The following CSMD1 variants were observed in gnomAD, a reference collection of about 807,000 sequenced individuals.
The protein encoded by CSMD1 is CUB and Sushi multiple domains 1, also known as CUB and sushi domain-containing protein 1.
Under a neutral mutation model 417.5 loss-of-function variants are expected in CSMD1, and 213 were observed. The ratio of observed to expected loss-of-function variants is 0.51; its 90% CI spans 0.46 to 0.57. The LOEUF is 0.57. Among genes scored for constraint, CSMD1 ranks in the 20% least tolerant of loss-of-function variants. CSMD1 has a pLI of 0.00. For synonymous variants in CSMD1, 2,862 were observed against 1,736.8 expected (o/e 1.65, Z -16.11); for missense variants, 6,923 against 4,529.7 (o/e 1.53, Z -15.17).
chr8:3,957,404 G>A (rs929502675), intron 5 of CSMD1, among the ~76,000 whole-genome samples: 9 of 152,194 alleles, frequency 5.9e-5, no homozygotes, highest in Non-Finnish European at 8.8e-5. Context: ...CAGTCTGGGA[G>A]CAGTGGCTCC....
intron 25 of CSMD1, among the ~76,000 whole-genome samples, chr8:3,303,820 A>T (rs1003229194): frequency 1.3e-5 from 2 of 152,174 alleles, no homozygotes; most frequent in African/African-American, 4.8e-5. Context: ...AATTTTCTAC[A>T]ATGTCTTGTG....
chr8:4,909,645 T>C (rs1805528951), intron 1 of CSMD1, among the ~76,000 whole-genome samples: 1 of 152,094 alleles, frequency 6.6e-6, no homozygotes, highest in South Asian at 2.1e-4. Context: ...AGGCAATGAG[T>C]GTAGGGGCCT....
intron 3 of CSMD1, among the ~76,000 whole-genome samples, chr8:4,080,701 A>C (rs1274633232): frequency 6.6e-6 from 1 of 152,200 alleles, no homozygotes; most frequent in Non-Finnish European, 1.5e-5. Context: ...TTCAGTGAAG[A>C]CTATTCTTTC....
At chr8:4,730,803 T>G (rs1388997374) in intron 1 of CSMD1, among the ~76,000 whole-genome samples, 1 of 151,892 alleles carries the variant, frequency 6.6e-6, no homozygotes, top group Non-Finnish European at 1.5e-5. Flanking sequence ...ACGGAGAAGT[T>G]GCTGATTTTC....
At chr8:3,328,768 A>G (rs2117525758) in intron 23 of CSMD1, among the ~76,000 whole-genome samples, 2 of 152,378 alleles carry the variant, frequency 1.3e-5, no homozygotes, top group South Asian at 4.1e-4. Flanking sequence ...TTGTCATCCA[A>G]TTTATAAACA....
chr8:4,619,785 G>T (rs995019229), intron 2 of CSMD1, among the ~76,000 whole-genome samples: 1 of 151,922 alleles, frequency 6.6e-6, no homozygotes, highest in Non-Finnish European at 1.5e-5. Context: ...TCACAATTTT[G>T]GTATTCATAT....
At chr8:3,077,888 C>T (rs1214840994) in intron 49 of CSMD1, among the ~76,000 whole-genome samples, 1 of 152,218 alleles carries the variant, frequency 6.6e-6, no homozygotes, top group African/African-American at 2.4e-5. Context: ...CTCCTCTTTG[C>T]CTTTTACTGA....
chr8:3,144,240 G>A (rs1195284887), intron 40 of CSMD1, among the ~76,000 whole-genome samples: 6 of 151,818 alleles, frequency 4.0e-5, no homozygotes, highest in Admixed American at 1.3e-4. Context: ...GTTTAACCCC[G>A]CACTAACGGA....
At chr8:3,467,291 T>C (rs1816840405) in intron 12 of CSMD1, among the ~76,000 whole-genome samples, 1 of 152,214 alleles carries the variant, frequency 6.6e-6, no homozygotes, top group Admixed American at 6.5e-5. Flanking sequence ...GCTGCTGAGA[T>C]GAATTTACTG....
At chr8:4,115,906 G>C (rs1047536069) in intron 3 of CSMD1, among the ~76,000 whole-genome samples, 1 of 151,936 alleles carries the variant, frequency 6.6e-6, no homozygotes, top group Non-Finnish European at 1.5e-5. Flanking sequence ...AAAGATCAGT[G>C]GTTGCCAGTG....
chr8:4,090,302 G>C (rs1367001113), intron 3 of CSMD1, among the ~76,000 whole-genome samples: 1 of 152,122 alleles, frequency 6.6e-6, no homozygotes, highest in Non-Finnish European at 1.5e-5. Context: ...AAAGCCACTA[G>C]GTAATATCGT....
intron 10 of CSMD1, among the ~76,000 whole-genome samples, chr8:3,565,263 G>A (rs151215650): frequency 1.0e-3 from 151 of 151,100 alleles, no homozygotes; most frequent in African/African-American, 3.2e-3. Context: ...ATGAACTAAG[G>A]GATCTGTCAA....
intron 5 of CSMD1, among the ~76,000 whole-genome samples, chr8:3,766,397 T>C (rs1798268532): frequency 6.6e-6 from 1 of 152,174 alleles, no homozygotes; most frequent in African/African-American, 2.4e-5. Context: ...AGTGCCTGTT[T>C]CTAACCCTTG....
chr8:4,355,191 G>A (rs994924118), intron 3 of CSMD1, among the ~76,000 whole-genome samples: 2 of 151,958 alleles, frequency 1.3e-5, no homozygotes, highest in African/African-American at 2.4e-5. Context: ...GAACCTGGGA[G>A]GCGGAGCTTG....
At chr8:3,000,612 A>AAT (rs1350778945) in intron 52 of CSMD1, among the ~76,000 whole-genome samples, 1 of 152,204 alleles carries the variant, frequency 6.6e-6, no homozygotes, top group Non-Finnish European at 1.5e-5. Context: ...GGGATCAGAG[A>AAT]ATAAGTTCAA....
chr8:3,169,927 C>T (rs1366498494), intron 37 of CSMD1, among the ~76,000 whole-genome samples: 1 of 152,160 alleles, frequency 6.6e-6, no homozygotes, highest in Non-Finnish European at 1.5e-5. Context: ...TGACCCCTTC[C>T]TCCTCTCCCC....
chr8:3,802,796 T>G (rs1800529123), intron 5 of CSMD1, among the ~76,000 whole-genome samples: 1 of 152,196 alleles, frequency 6.6e-6, no homozygotes, highest in Non-Finnish European at 1.5e-5. Flanking sequence ...TTGCTTTAAC[T>G]AAAGAAATGT....
At chr8:4,502,340 G>T (rs866993082) in intron 2 of CSMD1, among the ~76,000 whole-genome samples, 1 of 152,038 alleles carries the variant, frequency 6.6e-6, no homozygotes, top group South Asian at 2.1e-4. Flanking sequence ...AGATACAATG[G>T]CAATTCTATA....
At chr8:4,587,546 G>C (rs1198073881) in intron 2 of CSMD1, among the ~76,000 whole-genome samples, 1 of 151,850 alleles carries the variant, frequency 6.6e-6, no homozygotes, top group Admixed American at 6.6e-5. Context: ...TAACACCTAA[G>C]GAAATTTATT....
Sources: gnomAD v4.1 joint callset for allele counts (sites outside exome capture counted in the v4.1 genomes callset) on GRCh38, gnomAD v4.1.1 for gene constraint, MANE v1.5 for transcripts, NCBI Gene and HGNC (gene_info 2026-07-23, HGNC 2026-07-21) for gene names.